The following TRPM7 variants were observed in gnomAD, a reference collection of about 807,000 sequenced individuals.
TRPM7 encodes the protein LTRPC ion channel family member 7.
A neutral mutation model predicts 229.7 loss-of-function variants in TRPM7; 134 were observed. The ratio of observed to expected loss-of-function variants is 0.58; its 90% CI spans 0.51 to 0.67. The LOEUF is 0.67. TRPM7 is among the 30% of genes least tolerant of loss of function. The pLI is 0.00. For synonymous variants in TRPM7, 699 were observed against 715.2 expected (o/e 0.98, Z 0.36); for missense variants, 1,901 against 2,210.0 (o/e 0.86, Z 2.80).
chr15:50,670,804 GAA>G (rs1451604352), intron 1 of TRPM7, among the ~76,000 whole-genome samples: 1 of 75,976 alleles, frequency 1.3e-5, no homozygotes, highest in Non-Finnish European at 2.8e-5. Flanking sequence ...GTAAAAAAAA[GAA>G]AAAGAAAAAA....
At chr15:50,615,243 AC>A (rs2060193051) in intron 13 of TRPM7, among the ~76,000 whole-genome samples, 1 of 151,774 alleles carries the variant, frequency 6.6e-6, no homozygotes, top group Non-Finnish European at 1.5e-5. Context: ...TGTGATACAT[AC>A]AAAAAATTGC....
intron 12 of TRPM7, among the ~76,000 whole-genome samples, chr15:50,621,111 G>C (rs1014376448): frequency 7.1e-5 from 9 of 126,242 alleles, no homozygotes; most frequent in Non-Finnish European, 1.2e-4. Flanking sequence ...AGTGAGCCAA[G>C]ATCGCGCCAC....
intron 13 of TRPM7, among the ~76,000 whole-genome samples, chr15:50,614,488 C>A (rs1485189792): frequency 6.6e-6 from 1 of 151,906 alleles, no homozygotes; most frequent in Non-Finnish European, 1.5e-5. Flanking sequence ...CATGATGAAA[C>A]CCCTTCTCTA....
At chr15:50,644,407 C>A (rs992209442) in intron 4 of TRPM7, among the ~76,000 whole-genome samples, 2 of 152,218 alleles carry the variant, frequency 1.3e-5, no homozygotes, top group African/African-American at 4.8e-5. Context: ...GACATTGAGA[C>A]ATTTAAAAAT....
At chr15:50,644,446 G>A (rs925542770) in intron 4 of TRPM7, among the ~76,000 whole-genome samples, 2 of 152,126 alleles carry the variant, frequency 1.3e-5, no homozygotes, top group Admixed American at 1.3e-4. Flanking sequence ...TTTGCAAAAT[G>A]ATGTATTTCC....
rs548285332 is a variant in TRPM7, at chr15:50,622,836, A to T, written c.1440+1330T>A. 2.6e-5 allele frequency among the ~76,000 whole-genome samples: 4 copies of T among 152,308 alleles called. No individual in the cohort carries two copies. In the South Asian group the frequency reaches 6.2e-4, roughly 24 times the overall value. On this transcript the variant is annotated intron_variant, in intron 12 of 38. Coordinates refer to ENST00000646667, the MANE Select transcript of TRPM7 (RefSeq NM_017672.6). The stretch of plus-strand genomic sequence containing the variant: ...GGAAGGCAGAGGTTGCAGTGAGCCC[A>T]GATCGTGCCACTGCGCTCCAGCTTG...
At chr15:50,676,505 G>A (rs1178691374) in intron 1 of TRPM7, among the ~76,000 whole-genome samples, 3 of 151,962 alleles carry the variant, frequency 2.0e-5, no homozygotes, top group South Asian at 4.2e-4. Context: ...GACTGCTTGA[G>A]GCCAGGAGTT....
At position 50,593,608 on chromosome 15, in the gene TRPM7, C is replaced by A; in HGVS notation, c.3608+9G>T. On this transcript the variant is annotated intron_variant, in intron 25 of 38. Coordinates refer to ENST00000646667, the MANE Select transcript of TRPM7 (RefSeq NM_017672.6). Reference sequence around the variant, plus strand: ...CATATAACCGATTTTAACTAAAGGGCTTCTGAACCTTTCAAAAGTGACACG... The same window carrying A: ...CATATAACCGATTTTAACTAAAGGGATTCTGAACCTTTCAAAAGTGACACG... 6.2e-7 allele frequency: 1 copy of A among 1,610,704 alleles called. No individual in the cohort carries two copies. The highest frequency in any genetic ancestry group is 8.5e-7 in the Non-Finnish European group (1 of 1,179,242).
At position 50,632,921 on chromosome 15, in the gene TRPM7, T is replaced by A. The variant is rs761669516; in HGVS notation, c.1079A>T (p.Glu360Val). 2.5e-6 allele frequency: 4 copies of A among 1,603,760 alleles called. No individual in the cohort carries two copies. The highest frequency in any genetic ancestry group is 3.4e-6 in the Non-Finnish European group (4 of 1,176,398). ...IKKTFNFGQN[E>V]ALHLFQTLME... ...CAGTGTTTGAAATAAATGAAGTGCT[T>A]CATTCTGGCCAAAGTTAAATGTTTT... Residue 360 changes from glutamate to valine, a missense_variant, in exon 9 of 39, where the codon GAA becomes GTA. Glu to Val is a moderately radical substitution (Grantham distance 121). This residue lies in a region of TRPM7 where 794 missense variants were observed against 881.9 expected (regional missense o/e 0.90). Coordinates refer to ENST00000646667, the MANE Select transcript of TRPM7 (RefSeq NM_017672.6).
chr15:50,660,533 T>C (rs1047863322), intron 2 of TRPM7, among the ~76,000 whole-genome samples: 7 of 152,142 alleles, frequency 4.6e-5, no homozygotes, highest in African/African-American at 1.7e-4. Context: ...CGCATGCCTA[T>C]AGTCCCAGCT....
intron 7 of TRPM7, 128 bp downstream of exon 7, chr15:50,637,294 T>G (rs192441673): frequency 4.9e-6 from 4 of 810,886 alleles, no homozygotes; most frequent in Admixed American, 3.1e-5. Context: ...CAACCACTGT[T>G]GGTTGTTTCA....
At chr15:50,649,699 A>C (rs1011416070) in intron 3 of TRPM7, among the ~76,000 whole-genome samples, 1 of 152,198 alleles carries the variant, frequency 6.6e-6, no homozygotes, top group African/African-American at 2.4e-5. Flanking sequence ...TCTACCCAGA[A>C]GCACATACTG....
chr15:50,622,973 T>C (rs928160044), intron 12 of TRPM7, among the ~76,000 whole-genome samples: 2 of 152,192 alleles, frequency 1.3e-5, no homozygotes, highest in African/African-American at 4.8e-5. Context: ...ATAATTGTAC[T>C]TAACTATGCC....
At chr15:50,643,209 A>C (rs1485902075) in intron 5 of TRPM7, 131 bp downstream of exon 5, 2 of 681,286 alleles carry the variant, frequency 2.9e-6, no homozygotes, top group Non-Finnish European at 4.9e-6. Context: ...GAATTGCTTG[A>C]GCCCGGGAGG....
chr15:50,655,451 A>AC (rs1478474470), intron 3 of TRPM7, among the ~76,000 whole-genome samples: 2 of 144,378 alleles, frequency 1.4e-5, no homozygotes, highest in Non-Finnish European at 3.1e-5. Flanking sequence ...AAAAAAACAA[A>AC]AAAACAAAAA....
At chr15:50,594,744 T>C (rs1336472099) in intron 23 of TRPM7, 131 bp from the exon 24 acceptor site, 14 of 604,146 alleles carry the variant, frequency 2.3e-5, no homozygotes, top group Non-Finnish European at 3.2e-5. Flanking sequence ...ACAAAACTAA[T>C]AGCAAATGAG....
chr15:50,590,418 C>A (rs1311497953), intron 26 of TRPM7, among the ~76,000 whole-genome samples: 1 of 152,078 alleles, frequency 6.6e-6, no homozygotes, highest in Non-Finnish European at 1.5e-5. Context: ...AACTGTTCCA[C>A]ACATAGAGAT....
intron 30 of TRPM7, 99 bp downstream of exon 30, chr15:50,580,775 T>C (rs2054361849): frequency 1.1e-5 from 12 of 1,109,948 alleles, no homozygotes; most frequent in Non-Finnish European, 1.4e-5. Context: ...TCATCACTCA[T>C]AAAGAAATGT....
At chr15:50,665,545 T>C (rs1272235508) in intron 1 of TRPM7, among the ~76,000 whole-genome samples, 4 of 152,176 alleles carry the variant, frequency 2.6e-5, no homozygotes, top group African/African-American at 9.6e-5. Flanking sequence ...TTCAACACTT[T>C]ATATAACTTG....
Sources: allele counts gnomAD v4.1 joint callset (sites outside exome capture counted in the v4.1 genomes callset), GRCh38; gene constraint gnomAD v4.1.1; regional missense constraint gnomAD v4.1.1; transcripts MANE v1.5; gene names NCBI Gene and HGNC (gene_info 2026-07-23, HGNC 2026-07-21).